The following COL6A6 variants were observed in gnomAD, a reference collection of about 807,000 sequenced individuals.
The protein encoded by COL6A6 is collagen type VI alpha 6 chain, also known as collagen alpha-6(VI) chain.
A neutral mutation model predicts 208.6 loss-of-function variants in COL6A6; 183 were observed. The observed-to-expected ratio is 0.88, with a 90% CI of 0.78 to 0.99. The LOEUF is 0.99. COL6A6 is among the 50% of genes least tolerant of loss of function. The pLI is 0.00. For synonymous variants in COL6A6, 973 were observed against 1,011.8 expected (o/e 0.96, Z 0.73); for missense variants, 2,816 against 2,815.2 (o/e 1.00, Z -0.01).
rs370679693 is a variant in COL6A6, at chr3:130,567,152, C to T, written c.1733C>T (p.Thr578Ile). ...ATCGGGATCAAGGAGGCCAACCAAA[C>T]ACAGCTGAGAGAAATTGCAGGAGAG... ...YAIGIKEANQTQLREIAGEEK... is the reference protein window; with the variant it reads ...YAIGIKEANQIQLREIAGEEK... Residue 578 changes from threonine to isoleucine, a missense_variant, in exon 5 of 37, where the codon ACA becomes ATA. Thr to Ile is a moderately conservative substitution (Grantham distance 89). Transcript: ENST00000358511. The T allele has an allele frequency of 2.5e-6, 4 of 1,613,890 alleles. No homozygotes were observed. Among genetic ancestry groups the T allele is most frequent in the African/African-American group, 1.3e-5 (1 of 75,038 alleles).
intron 20 of COL6A6, among the ~76,000 whole-genome samples, chr3:130,604,935 G>A (rs1473318200): frequency 2.0e-5 from 3 of 152,074 alleles, no homozygotes; most frequent in Non-Finnish European, 2.9e-5. Context: ...CTAAAGCTGG[G>A]GTCTGACCAT....
At chr3:130,665,215 G>T in intron 36 of COL6A6, 119 bp downstream of exon 36, 1 of 595,376 alleles carries the variant, frequency 1.7e-6, no homozygotes, top group Non-Finnish European at 3.0e-6. Context: ...AAAATCTATT[G>T]CTACATGATA....
At chr3:130,578,102 G>T (rs762487445) in intron 8 of COL6A6, among the ~76,000 whole-genome samples, 2 of 152,140 alleles carry the variant, frequency 1.3e-5, no homozygotes, top group Non-Finnish European at 2.9e-5. Flanking sequence ...CAATTTTTAG[G>T]ATGTGGAGGT....
In COL6A6 at chr3:130,594,409, T is replaced by C. The variant is rs995888043; in HGVS notation, c.4533+66T>C. On this transcript the variant is annotated intron_variant, in intron 18 of 36. Coordinates refer to ENST00000358511, the MANE Select transcript of COL6A6 (RefSeq NM_001102608.3). ...CCATCCGTACTTCTGATAGGGAGTC[T>C]CGATTTCAAGGTACTACAATAGTAA... 23 of 1,267,164 alleles carry C rather than the reference T, an allele frequency of 1.8e-5. 1 individual carries two copies. The highest frequency in any genetic ancestry group is 2.5e-5 in the Non-Finnish European group (22 of 881,964). 78.5% of individuals were successfully genotyped at this position (1,267,164 alleles called of 1,614,324 possible).
chr3:130,657,725 G>A (rs2065831447), intron 33 of COL6A6, among the ~76,000 whole-genome samples: 1 of 152,182 alleles, frequency 6.6e-6, no homozygotes, highest in Non-Finnish European at 1.5e-5. Context: ...GTCAGCTATG[G>A]TTGAAGACAG....
In COL6A6 at chr3:130,568,225, T is replaced by G. The variant is rs1316596354; in HGVS notation, c.2022T>G (p.Phe674Leu). The part of the protein sequence containing the change: ...VQFSDINKEE[F>L]QLNRFMSQSD... The stretch of plus-strand genomic sequence containing the variant: ...TCAGCGACATCAATAAGGAAGAGTT[T>G]CAGCTCAACAGATTCATGTCCCAAA... Residue 674 changes from phenylalanine to leucine, a missense_variant, in exon 6 of 37, where the codon TTT becomes TTG. By Grantham distance (22) the Phe-to-Leu change is conservative. Coordinates refer to ENST00000358511, the MANE Select transcript of COL6A6 (RefSeq NM_001102608.3). The G allele has an allele frequency of 6.2e-7, 1 of 1,613,926 alleles. No homozygotes were observed. The highest frequency in any genetic ancestry group is 2.2e-5 in the East Asian group (1 of 44,898).
At chr3:130,656,247 G>A (rs115127503) in intron 33 of COL6A6, among the ~76,000 whole-genome samples, 2,945 of 152,338 alleles carry the variant, frequency 0.019, 93 homozygotes, top group African/African-American at 0.067. Context: ...ACCATTCAGT[G>A]GGTCCTGAGT....
chr3:130,599,776 GC>G lies in COL6A6; in HGVS notation c.4626del (p.Thr1544HisfsTer49), dbSNP rs746783819. 1.2e-5 allele frequency: 20 copies of G among 1,612,892 alleles called. No homozygotes were observed. Among genetic ancestry groups the G allele is most frequent in the South Asian group, 3.3e-5 (3 of 91,034 alleles). Reference protein sequence around the residue: ...RGRQGRRGWPGPPGTPGSRRK... With the variant: ...RGRQGRRGWPXPPGTPGSRRK... ...TGACAGGGCAGAAGAGGCTGGCCAG[GC>G]CCCCCCGGGACACCAGGCTCCAGAA... On this transcript the variant is annotated frameshift_variant, in exon 20 of 37. Coordinates refer to ENST00000358511, the MANE Select transcript of COL6A6 (RefSeq NM_001102608.3). LOFTEE classifies it high-confidence loss of function.
At chr3:130,598,926 A>T (rs1308457364) in intron 19 of COL6A6, among the ~76,000 whole-genome samples, 1 of 152,214 alleles carries the variant, frequency 6.6e-6, no homozygotes, top group Non-Finnish European at 1.5e-5. Flanking sequence ...CAGTATTTAA[A>T]AATAGTTGTC....
At chr3:130,644,233 G>C (rs2065400899) in intron 31 of COL6A6, among the ~76,000 whole-genome samples, 1 of 152,216 alleles carries the variant, frequency 6.6e-6, no homozygotes, top group Admixed American at 6.5e-5. Flanking sequence ...GCCAGGAAAG[G>C]CATTGCAAGG....
intron 2 of COL6A6, 22 bp from the exon 3 acceptor site, chr3:130,563,046 T>A (rs1447087684): frequency 3.2e-6 from 5 of 1,568,312 alleles, no homozygotes; most frequent in Non-Finnish European, 4.3e-6. Context: ...TTTGGTTCGT[T>A]CATATGTTTG....
At chr3:130,603,704 CA>C (rs1390307417) in intron 20 of COL6A6, among the ~76,000 whole-genome samples, 1 of 152,164 alleles carries the variant, frequency 6.6e-6, no homozygotes, top group African/African-American at 2.4e-5. Context: ...TCCCTCTTGG[CA>C]CTCATTTACA....
intron 23 of COL6A6, among the ~76,000 whole-genome samples, chr3:130,619,008 G>A (rs2064621454): frequency 6.6e-6 from 1 of 152,166 alleles, no homozygotes; most frequent in Non-Finnish European, 1.5e-5. Flanking sequence ...TGCAGTGCAT[G>A]AAAATTTCAT....
chr3:130,589,828 G>A (rs892277493), intron 12 of COL6A6: 7 of 242,700 alleles, frequency 2.9e-5, no homozygotes, highest in Middle Eastern at 9.6e-4. Flanking sequence ...CTGTGGATAT[G>A]TTATAATGAT....
chr3:130,664,146 A>G (rs2066012802), intron 35 of COL6A6, among the ~76,000 whole-genome samples: 1 of 152,194 alleles, frequency 6.6e-6, no homozygotes, highest in African/African-American at 2.4e-5. Context: ...GTTGACTATC[A>G]AGCACACTCC....
chr3:130,554,402 G>A (rs549234027), intron 1 of COL6A6, among the ~76,000 whole-genome samples: 2 of 152,314 alleles, frequency 1.3e-5, no homozygotes, highest in African/African-American at 4.8e-5. Flanking sequence ...TGGTGGTGCT[G>A]GGAGGTGGAG....
intron 5 of COL6A6, among the ~76,000 whole-genome samples, 175 bp from the exon 6 acceptor site, chr3:130,567,872 A>G (rs2063066992): frequency 6.6e-6 from 1 of 152,262 alleles, no homozygotes; most frequent in Non-Finnish European, 1.5e-5. Context: ...TAAGCAAGTT[A>G]CTAAATAACA....
At chr3:130,618,746 C>T (rs1005954101) in intron 23 of COL6A6, among the ~76,000 whole-genome samples, 2 of 152,208 alleles carry the variant, frequency 1.3e-5, no homozygotes, top group Non-Finnish European at 2.9e-5. Context: ...TTCTGATTCT[C>T]TAATGGCAAG....
Position 130,539,583 on chromosome 3 carries a change from A to T in COL6A6, c.-31-20751A>T, listed in dbSNP as rs113403473. On this transcript the variant is annotated intron_variant, in intron 1 of 36. Transcript: ENST00000358511. ...CGGGAGGCGGAGGTTGCAGTGAGCC[A>T]AGTCGCGTCACTGCACTCCCGCCTG... Among the ~76,000 whole-genome samples, 1,240 of 151,534 alleles carry T rather than the reference A, an allele frequency of 8.2e-3. 11 individuals are homozygous for T. The highest frequency in any genetic ancestry group is 0.027 in the Middle Eastern group (8 of 294).
Sources: allele counts gnomAD v4.1 joint callset (sites outside exome capture counted in the v4.1 genomes callset), GRCh38; gene constraint gnomAD v4.1.1; transcripts MANE v1.5; gene names NCBI Gene and HGNC (gene_info 2026-07-23, HGNC 2026-07-21).